The following HIVEP3 variants were observed in gnomAD, a reference collection of about 807,000 sequenced individuals.
HIVEP3 encodes transcription factor HIVEP3.
HIVEP3 carries 49 observed loss-of-function variants against 152.8 expected under a neutral mutation model. The observed-to-expected ratio is 0.32, with a 90% CI of 0.26 to 0.41. HIVEP3 has a LOEUF of 0.41. HIVEP3 is among the 10% of genes least tolerant of loss of function. HIVEP3 has a pLI of 1.00. For missense variants in HIVEP3, 2,790 were observed against 3,103.3 expected, an observed-to-expected ratio of 0.90 and a Z score of 2.40; for synonymous variants, 1,269 against 1,289.0, an observed-to-expected ratio of 0.98 and a Z score of 0.33.
chr1:41,862,086 G>A (rs1643894622), intron 1 of HIVEP3, among the ~76,000 whole-genome samples: 1 of 152,170 alleles, frequency 6.6e-6, no homozygotes, highest in Admixed American at 6.5e-5. Flanking sequence ...TAAAGACACA[G>A]GTTCGAGCAG....
chr1:41,801,061 T>C (rs529900765), intron 1 of HIVEP3, among the ~76,000 whole-genome samples: 1 of 152,258 alleles, frequency 6.6e-6, no homozygotes, highest in Non-Finnish European at 1.5e-5. Flanking sequence ...ACAAAGGACT[T>C]AAAAGCAGGT....
intron 1 of HIVEP3, among the ~76,000 whole-genome samples, chr1:41,877,850 C>A (rs1390251098): frequency 6.6e-6 from 1 of 152,120 alleles, no homozygotes; most frequent in African/African-American, 2.4e-5. Context: ...ACAGACTCAA[C>A]AAATATCATT....
At chr1:41,647,505 C>G (rs974706104) in intron 2 of HIVEP3, among the ~76,000 whole-genome samples, 2 of 152,338 alleles carry the variant, frequency 1.3e-5, no homozygotes, top group African/African-American at 4.8e-5. Context: ...ACATGGAAAG[C>G]CTCCCCTTCC....
At chr1:41,676,367 A>G (rs1353832624) in intron 2 of HIVEP3, among the ~76,000 whole-genome samples, 2 of 151,828 alleles carry the variant, frequency 1.3e-5, no homozygotes, top group African/African-American at 4.8e-5. Context: ...GTTTCTCAGC[A>G]CTCCCTGAGG....
intron 1 of HIVEP3, among the ~76,000 whole-genome samples, chr1:41,795,409 A>G (rs1174539522): frequency 1.3e-5 from 2 of 152,226 alleles, no homozygotes; most frequent in Admixed American, 6.5e-5. Context: ...CGTGATACCA[A>G]CAAGGTGCAT....
At chr1:41,788,887 CCT>C (rs758995406) in intron 1 of HIVEP3, among the ~76,000 whole-genome samples, 3 of 152,220 alleles carry the variant, frequency 2.0e-5, no homozygotes, top group Non-Finnish European at 4.4e-5. Flanking sequence ...AGCTTTCTTC[CCT>C]CTGAGGCCAA....
At chr1:41,517,578 C>G (rs898471784) in intron 7 of HIVEP3, among the ~76,000 whole-genome samples, 1 of 125,812 alleles carries the variant, frequency 7.9e-6, no homozygotes, top group Non-Finnish European at 1.5e-5. Flanking sequence ...CTGTCACACT[C>G]TAAGTCCTGG....
chr1:41,986,115 C>T (rs1451170860), intron 1 of HIVEP3, among the ~76,000 whole-genome samples: 1 of 152,078 alleles, frequency 6.6e-6, no homozygotes, highest in Non-Finnish European at 1.5e-5. Context: ...CCTTAGTTTC[C>T]TCATCTTTAA....
chr1:41,522,980 G>A (rs1315351505), intron 6 of HIVEP3, among the ~76,000 whole-genome samples: 3 of 152,254 alleles, frequency 2.0e-5, no homozygotes, highest in Non-Finnish European at 4.4e-5. Context: ...AAAGGAAGAT[G>A]ATGGGGTGAT....
At chr1:41,560,540 T>C (rs1383673834) in intron 5 of HIVEP3, among the ~76,000 whole-genome samples, 1 of 152,126 alleles carries the variant, frequency 6.6e-6, no homozygotes, top group African/African-American at 2.4e-5. Context: ...GCAGGGAAGA[T>C]GTGGCTGGAG....
intron 1 of HIVEP3, among the ~76,000 whole-genome samples, chr1:41,793,840 T>C (rs967441230): frequency 4.6e-5 from 7 of 152,100 alleles, no homozygotes; most frequent in African/African-American, 1.7e-4. Context: ...AAGAAGAAAA[T>C]AAAAATTACT....
chr1:41,618,145 C>T (rs1644995368), intron 3 of HIVEP3, among the ~76,000 whole-genome samples: 1 of 152,218 alleles, frequency 6.6e-6, no homozygotes, highest in African/African-American at 2.4e-5. Flanking sequence ...GGACACAATG[C>T]TCAATGAGGG....
At chr1:41,637,000 T>G (rs954480890) in intron 2 of HIVEP3, among the ~76,000 whole-genome samples, 2 of 151,610 alleles carry the variant, frequency 1.3e-5, no homozygotes, top group Admixed American at 6.6e-5. Context: ...CTTTTCCCAT[T>G]TGGTTAGCAA....
intron 1 of HIVEP3, among the ~76,000 whole-genome samples, chr1:41,758,666 T>C (rs1647472341): frequency 6.6e-6 from 1 of 152,216 alleles, no homozygotes. Context: ...TGTGATACAT[T>C]GTGGGGTTTG....
At chr1:41,879,620 C>A (rs1557478207) in intron 1 of HIVEP3, among the ~76,000 whole-genome samples, 1 of 152,206 alleles carries the variant, frequency 6.6e-6, no homozygotes, top group Non-Finnish European at 1.5e-5. Flanking sequence ...CCCTTCATCT[C>A]CCTGCCTCCA....
chr1:41,606,159 C>T (rs1241508704), intron 3 of HIVEP3, among the ~76,000 whole-genome samples: 1 of 151,486 alleles, frequency 6.6e-6, no homozygotes, highest in Non-Finnish European at 1.5e-5. Context: ...CTCTCTCTCC[C>T]AATTTCCTTC....
At chr1:41,709,295 C>T (rs1019195782) in intron 1 of HIVEP3, among the ~76,000 whole-genome samples, 2 of 152,206 alleles carry the variant, frequency 1.3e-5, no homozygotes. Flanking sequence ...CTTTCTGTTA[C>T]CTGCAGCCCA....
intron 1 of HIVEP3, among the ~76,000 whole-genome samples, chr1:41,890,418 C>G (rs1644427897): frequency 6.6e-6 from 1 of 152,170 alleles, no homozygotes; most frequent in South Asian, 2.1e-4. Flanking sequence ...CAAGTGACAA[C>G]TGGGTTGAGT....
chr1:41,629,608 G>C (rs1444127151), intron 2 of HIVEP3, among the ~76,000 whole-genome samples: 1 of 152,066 alleles, frequency 6.6e-6, no homozygotes, highest in Non-Finnish European at 1.5e-5. Flanking sequence ...TTAAAAAGTA[G>C]GCAAAGGACA....
Sources: gnomAD v4.1 joint callset for allele counts (sites outside exome capture counted in the v4.1 genomes callset) on GRCh38, gnomAD v4.1.1 for gene constraint, MANE v1.5 for transcripts, NCBI Gene and HGNC (gene_info 2026-07-23, HGNC 2026-07-21) for gene names.